The following CSE1L variants were observed in gnomAD, a reference collection of about 807,000 sequenced individuals.
CSE1L encodes chromosome segregation 1 like, also known as exportin-2.
In CSE1L, 24 loss-of-function variants were observed where a neutral mutation model predicts 120.4. That is an observed-to-expected ratio of 0.20 (90% CI 0.14 to 0.28). The LOEUF (loss-of-function observed/expected upper bound fraction) is 0.28. Ranked by LOEUF, CSE1L falls within the 10% of genes least tolerant of loss-of-function variation. CSE1L has a pLI of 1.00. For missense variants in CSE1L, 830 were observed against 1,145.2 expected (o/e 0.72, Z 3.97); for synonymous variants, 402 against 398.3 (o/e 1.01, Z -0.11).
chr20:49,088,442 G>GACC (rs2092076531), intron 17 of CSE1L, among the ~76,000 whole-genome samples: 1 of 152,188 alleles, frequency 6.6e-6, no homozygotes, highest in Admixed American at 6.5e-5. Flanking sequence ...AGGCTGTCTG[G>GACC]ACTTCTATGA....
Position 49,058,373 on chromosome 20 carries a change from A to G in CSE1L, c.-11-80A>G, listed in dbSNP as rs937542227. On this transcript the variant is annotated intron_variant, in intron 1 of 24. Coordinates refer to ENST00000262982, the MANE Select transcript of CSE1L (RefSeq NM_001316.4). The stretch of plus-strand genomic sequence containing the variant: ...GGATGACTTTCAGAGAGAATAACCC[A>G]TAATATAAACGGATTTCTTTAAATG... 58 of 1,020,486 alleles carry G rather than the reference A, an allele frequency of 5.7e-5. No homozygotes were observed. In the African/African-American group the frequency reaches 7.5e-4, roughly 13 times the overall value. 63.2% of individuals were successfully genotyped at this position (1,020,486 alleles called of 1,614,324 possible).
At chr20:49,067,496 C>G (rs2091901888) in intron 6 of CSE1L, among the ~76,000 whole-genome samples, 1 of 152,154 alleles carries the variant, frequency 6.6e-6, no homozygotes. Flanking sequence ...TTTATTTTCT[C>G]TGTTCCCTTT....
chr20:49,085,520 A>G (rs1812748064), intron 16 of CSE1L, 134 bp downstream of exon 16: 2 of 427,134 alleles, frequency 4.7e-6, no homozygotes, highest in Admixed American at 4.5e-5. Context: ...TAGTTTAGAT[A>G]TTTCAAAATG....
At chr20:49,064,595 C>G (rs1470455622) in intron 3 of CSE1L, among the ~76,000 whole-genome samples, 1 of 152,010 alleles carries the variant, frequency 6.6e-6, no homozygotes, top group South Asian at 2.1e-4. Flanking sequence ...GGCCTGTAGT[C>G]CCAGCCATTA....
intron 17 of CSE1L, 122 bp from the exon 18 acceptor site, chr20:49,089,125 T>C: frequency 2.4e-6 from 2 of 824,826 alleles, no homozygotes; most frequent in South Asian, 4.8e-5. Context: ...CACTAGGGTA[T>C]AATTGGTGTT....
Position 49,074,819 on chromosome 20 carries a change from G to A in CSE1L, c.1101G>A (p.Glu367=). 6.2e-7 allele frequency: 1 copy of A among 1,612,976 alleles called. No homozygotes were observed. Among genetic ancestry groups the A allele is most frequent in the Non-Finnish European group, 8.5e-7 (1 of 1,179,606 alleles). ...ADEEAFEDNS[E]EYIRRDLEGS... ...AAGAAGCATTTGAAGATAATTCTGA[G>A]GAGTACATAAGGAGAGATTTGGAAG... is the stretch of plus-strand genomic sequence containing the variant. The change falls in exon 11 of 25, where the codon GAG becomes GAA. Residue 367 remains glutamate (E), a synonymous_variant. Coordinates refer to ENST00000262982, the MANE Select transcript of CSE1L (RefSeq NM_001316.4).
At chr20:49,072,216 T>G (rs1261907592) in intron 8 of CSE1L, 70 bp from the exon 9 acceptor site, 7 of 1,523,440 alleles carry the variant, frequency 4.6e-6, no homozygotes, top group African/African-American at 1.4e-5. Context: ...GTTCAGGAAT[T>G]TCAGTTACTC....
intron 7 of CSE1L, 47 bp from the exon 8 acceptor site, chr20:49,070,158 T>A: frequency 1.1e-6 from 1 of 884,674 alleles, no homozygotes; most frequent in Non-Finnish European, 1.8e-6. Flanking sequence ...AAAAGTGGTG[T>A]TCTTAATATT....
intron 2 of CSE1L, among the ~76,000 whole-genome samples, chr20:49,061,019 T>G (rs2091848446): frequency 6.6e-6 from 1 of 152,168 alleles, no homozygotes; most frequent in African/African-American, 2.4e-5. Context: ...TCTATCCTCT[T>G]CTAGAAAAGT....
Position 49,072,649 on chromosome 20 carries a change from C to T in CSE1L, c.1018C>T (p.Leu340=), listed in dbSNP as rs752475141. Reference sequence around the variant, plus strand: ...GAATCTATTTGAGGACCAGAACACGCTGACAAGTATCTGTGAAAAGGTTAT... The same window carrying T: ...GAATCTATTTGAGGACCAGAACACGTTGACAAGTATCTGTGAAAAGGTTAT... The part of the protein sequence containing the change: ...YKNLFEDQNT[L]TSICEKVIVP... The change falls in exon 10 of 25, where the codon CTG becomes TTG. Residue 340 remains leucine, a synonymous_variant. Coordinates refer to ENST00000262982, the MANE Select transcript of CSE1L (RefSeq NM_001316.4). 1.2e-6 allele frequency: 2 copies of T among 1,613,612 alleles called. No homozygotes were observed. The highest frequency in any genetic ancestry group is 1.3e-5 in the African/African-American group (1 of 74,908).
At chr20:49,080,006 G>A (rs1249156544) in intron 14 of CSE1L, among the ~76,000 whole-genome samples, 1 of 152,066 alleles carries the variant, frequency 6.6e-6, no homozygotes, top group Non-Finnish European at 1.5e-5. Flanking sequence ...CCCAGGAGGC[G>A]AAGGTTGCAG....
At chr20:49,050,471 T>C (rs189775668) in intron 1 of CSE1L, among the ~76,000 whole-genome samples, 76 of 149,168 alleles carry the variant, frequency 5.1e-4, no homozygotes, top group African/African-American at 1.8e-3. Flanking sequence ...GGTGCAGTCT[T>C]GGCTCATTGA....
In CSE1L at chr20:49,066,418, T is replaced by A. The variant is rs1313816972; in HGVS notation, c.384T>A (p.Pro128=). 1 of 1,614,090 alleles carries A rather than the reference T, an allele frequency of 6.2e-7. No individual in the cohort carries two copies. The highest frequency in any genetic ancestry group is 8.5e-7 in the Non-Finnish European group (1 of 1,180,014). Reference sequence around the variant, plus strand: ...GAGAAGATTTTCCACAGAAATGGCCTGACTTGCTGACAGAAATGGTGAATC... The same window carrying A: ...GAGAAGATTTTCCACAGAAATGGCCAGACTTGCTGACAGAAATGGTGAATC... ...IGREDFPQKW[P]DLLTEMVNRF... The change falls in exon 5 of 25, where the codon CCT becomes CCA. Residue 128 remains proline, a synonymous_variant. Coordinates refer to ENST00000262982, the MANE Select transcript of CSE1L (RefSeq NM_001316.4).
At chr20:49,072,727 A>G in intron 10 of CSE1L, 30 bp downstream of exon 10, 1 of 1,571,412 alleles carries the variant, frequency 6.4e-7, no homozygotes, top group Non-Finnish European at 8.6e-7. Context: ...ATTAGTATAA[A>G]TCTACTAAGT....
In CSE1L at chr20:49,070,201, G is replaced by C; in HGVS notation, c.676-4G>C. ...AAAGTTTCAAGTCAGTGTTTATTCT[G>C]TAGGATCTCCCTGAATTTTTTGAAG... is the stretch of plus-strand genomic sequence containing the variant. On this transcript the variant is annotated splice_polypyrimidine_tract_variant and splice_region_variant and intron_variant, in intron 7 of 24. Transcript: ENST00000262982. 1 of 1,366,920 alleles carries C rather than the reference G, an allele frequency of 7.3e-7. No individual in the cohort carries two copies. Among genetic ancestry groups the C allele is most frequent in the African/African-American group, 1.5e-5 (1 of 68,358 alleles). The allele number at this position is 1,366,920 out of a possible 1,614,324, so 84.7% of individuals were successfully genotyped here. A position where few individuals can be genotyped will look rare whatever the true frequency, so the allele number is the denominator to read the frequency against.
chr20:49,047,025 A>G (rs2091718135), intron 1 of CSE1L, among the ~76,000 whole-genome samples: 1 of 152,234 alleles, frequency 6.6e-6, no homozygotes, highest in Non-Finnish European at 1.5e-5. Context: ...ATTGTTTGTG[A>G]GAATTCTAGT....
intron 5 of CSE1L, 38 bp downstream of exon 5, chr20:49,066,548 T>G: frequency 6.4e-7 from 1 of 1,551,880 alleles, no homozygotes; most frequent in Non-Finnish European, 8.8e-7. Context: ...AAATACTTTC[T>G]AAAGTTTTAT....
intron 10 of CSE1L, among the ~76,000 whole-genome samples, chr20:49,073,818 A>G (rs548371469): frequency 1.3e-5 from 2 of 152,174 alleles, no homozygotes; most frequent in East Asian, 3.9e-4. Flanking sequence ...TAGTTATTAG[A>G]TCAGTGGTTT....
intron 19 of CSE1L, among the ~76,000 whole-genome samples, chr20:49,090,207 GTTAT>G (rs1451791304): frequency 1.3e-5 from 2 of 152,098 alleles, no homozygotes; most frequent in Non-Finnish European, 2.9e-5. Flanking sequence ...GTATCCTTTA[GTTAT>G]TTATATCCAT....
Sources: gnomAD v4.1 joint callset for allele counts (sites outside exome capture counted in the v4.1 genomes callset) on GRCh38, gnomAD v4.1.1 for gene constraint, MANE v1.5 for transcripts, NCBI Gene and HGNC (gene_info 2026-07-23, HGNC 2026-07-21) for gene names.